Variants in PLEKHM3 observed in about 807,000 individuals in gnomAD.
PLEKHM3 encodes pleckstrin homology domain-containing family M member 3.
PLEKHM3 carries 45 observed loss-of-function variants against 81.8 expected under a neutral mutation model. The ratio of observed to expected loss-of-function variants is 0.55; its 90% CI spans 0.43 to 0.71. The LOEUF (loss-of-function observed/expected upper bound fraction) is 0.71. Ranked by LOEUF, PLEKHM3 falls within the 30% of genes least tolerant of loss-of-function variation. The probability of loss-of-function intolerance (pLI) is 0.00; values close to 1 mark genes in which losing one functional copy is unlikely to be tolerated. For synonymous variants in PLEKHM3, 352 were observed against 356.4 expected, an observed-to-expected ratio of 0.99 and a Z score of 0.14; for missense variants, 788 against 924.3, an observed-to-expected ratio of 0.85 and a Z score of 1.91.
At chr2:207,924,388 A>T (rs1396838484) in intron 5 of PLEKHM3, among the ~76,000 whole-genome samples, 1 of 152,062 alleles carries the variant, frequency 6.6e-6, no homozygotes, top group Non-Finnish European at 1.5e-5. Flanking sequence ...AGATGACAAC[A>T]AAGTGCCCTG....
intron 5 of PLEKHM3, among the ~76,000 whole-genome samples, chr2:207,918,490 G>A (rs1369482016): frequency 2.6e-5 from 4 of 152,208 alleles, no homozygotes; most frequent in African/African-American, 9.6e-5. Flanking sequence ...CCACTGTGCT[G>A]CAGCCTGGGT....
intron 7 of PLEKHM3, among the ~76,000 whole-genome samples, chr2:207,836,577 A>T (rs563099505): frequency 2.0e-5 from 3 of 152,334 alleles, no homozygotes; most frequent in African/African-American, 7.2e-5. Flanking sequence ...ATTATGGCAA[A>T]GAGGCAAGAA....
At chr2:207,971,553 C>G (rs192276234) in intron 3 of PLEKHM3, among the ~76,000 whole-genome samples, 4 of 150,476 alleles carry the variant, frequency 2.7e-5, no homozygotes, top group African/African-American at 9.8e-5. Flanking sequence ...TCAATTAAAA[C>G]TTTTTTTAAC....
At chr2:207,890,565 T>C (rs1249021462) in intron 6 of PLEKHM3, among the ~76,000 whole-genome samples, 1 of 152,066 alleles carries the variant, frequency 6.6e-6, no homozygotes, top group African/African-American at 2.4e-5. Context: ...ATGGTGGAGG[T>C]TGCAGTGAGC....
chr2:207,851,653 T>C (rs1327579517), intron 7 of PLEKHM3: 1 of 141,918 alleles, frequency 7.0e-6, no homozygotes, highest in Non-Finnish European at 1.5e-5. Flanking sequence ...GACAGGAGAA[T>C]CGCTTGAACC....
chr2:207,946,146 G>A (rs540720100), intron 4 of PLEKHM3, among the ~76,000 whole-genome samples: 2 of 152,196 alleles, frequency 1.3e-5, no homozygotes, highest in East Asian at 3.9e-4. Context: ...AGTAAAAACT[G>A]CTCTATATGT....
At chr2:207,925,613 C>T (rs976454942) in intron 5 of PLEKHM3, among the ~76,000 whole-genome samples, 1 of 152,178 alleles carries the variant, frequency 6.6e-6, no homozygotes, top group African/African-American at 2.4e-5. Flanking sequence ...CAACTTAACG[C>T]AGAGTTTATA....
chr2:207,868,623 C>T (rs923125104), intron 6 of PLEKHM3: 3 of 152,134 alleles, frequency 2.0e-5, no homozygotes, highest in Non-Finnish European at 2.9e-5. Context: ...TTGAAAGCAT[C>T]GAATATAGTT....
In PLEKHM3 at chr2:207,946,386, C is replaced by T; in HGVS notation, c.1673G>A (p.Trp558Ter). Residue 558 changes from tryptophan (W) to a stop codon, truncating the protein, a stop_gained, in exon 4 of 8, where the codon TGG (tryptophan) becomes TAG (stop). Transcript: ENST00000427836. LOFTEE classifies it high-confidence loss of function. ...ACCTACCTTATACTTTGAAGTATCC[C>T]AGTTGTGGACTATGCGTGCTGGAAT... Reference protein sequence around the residue: ...FLIPARIVHNWDTSKYKVSKQ... With the variant: ...FLIPARIVHN 6.2e-7 allele frequency: 1 copy of T among 1,613,780 alleles called. No individual in the cohort carries two copies. The highest frequency in any genetic ancestry group is 1.3e-5 in the African/African-American group (1 of 74,994).
At chr2:207,926,511 G>C (rs1689398749) in intron 5 of PLEKHM3, among the ~76,000 whole-genome samples, 1 of 152,132 alleles carries the variant, frequency 6.6e-6, no homozygotes, top group African/African-American at 2.4e-5. Context: ...TGCTGATCCG[G>C]ATGTGTCCTG....
In PLEKHM3 at chr2:207,834,764, G is replaced by A. The variant is rs145046614; in HGVS notation, c.2109-6268C>T. On this transcript the variant is annotated intron_variant, in intron 7 of 7. Coordinates refer to ENST00000427836, the MANE Select transcript of PLEKHM3 (RefSeq NM_001080475.3). Reference sequence around the variant, plus strand: ...TACCTAAAAGCCGTCTTGGTGGTGCGTCTTAGTCCCATTTATTTGCTCTTT... The same window carrying A: ...TACCTAAAAGCCGTCTTGGTGGTGCATCTTAGTCCCATTTATTTGCTCTTT... 7.0e-4 allele frequency among the ~76,000 whole-genome samples: 107 copies of A among 151,970 alleles called. 6 individuals carry two copies. In the East Asian group the frequency reaches 0.014, roughly 20 times the overall value.
intron 3 of PLEKHM3, among the ~76,000 whole-genome samples, chr2:207,956,667 T>A (rs1308419759): frequency 6.8e-6 from 1 of 147,268 alleles, no homozygotes; most frequent in African/African-American, 2.5e-5. Flanking sequence ...CACCTCAGCC[T>A]CCTGGGTATC....
At position 208,025,399 on chromosome 2, in the gene PLEKHM3, G is replaced by T. The variant is rs193114924; in HGVS notation, c.-329C>A. 6.6e-6 allele frequency: 1 copy of T among 152,292 alleles called. No homozygotes were observed. Among genetic ancestry groups the T allele is most frequent in the Non-Finnish European group, 1.5e-5 (1 of 68,110 alleles). 9.4% of individuals were successfully genotyped at this position (152,292 alleles called of 1,614,324 possible). A position where few individuals can be genotyped will look rare whatever the true frequency, so the allele number is the denominator to read the frequency against. On this transcript the variant is annotated 5_prime_UTR_variant, in exon 1 of 8. Coordinates refer to ENST00000427836, the MANE Select transcript of PLEKHM3 (RefSeq NM_001080475.3). ...CAGACGGATGCTCACCTGGGCCCCG[G>T]CTGCTACTCTCCATTCACCTGCGGG...
At chr2:207,975,068 T>C (rs950744434) in intron 3 of PLEKHM3, among the ~76,000 whole-genome samples, 101 of 152,214 alleles carry the variant, frequency 6.6e-4, no homozygotes, top group African/African-American at 2.3e-3. Context: ...GACCTTGTGA[T>C]CCGCCCGCCT....
chr2:207,863,438 T>C (rs1056097225), intron 6 of PLEKHM3, among the ~76,000 whole-genome samples: 2 of 152,252 alleles, frequency 1.3e-5, no homozygotes, highest in African/African-American at 4.8e-5. Flanking sequence ...ACCCAGAGTA[T>C]TAACACTACT....
chr2:207,955,762 GACAAA>G (rs990635339), intron 3 of PLEKHM3, among the ~76,000 whole-genome samples: 4 of 150,580 alleles, frequency 2.7e-5, no homozygotes, highest in African/African-American at 1.0e-4. Flanking sequence ...CCCTGCAGAT[GACAAA>G]ACAAGGACAA....
chr2:207,861,509 G>A (rs1301837328), intron 6 of PLEKHM3, among the ~76,000 whole-genome samples: 2 of 147,716 alleles, frequency 1.4e-5, no homozygotes, highest in African/African-American at 2.4e-5. Context: ...GTAGTATAGT[G>A]TAGAAGACTG....
chr2:207,949,509 C>A (rs1690259824), intron 3 of PLEKHM3, among the ~76,000 whole-genome samples: 1 of 152,104 alleles, frequency 6.6e-6, no homozygotes, highest in African/African-American at 2.4e-5. Flanking sequence ...CACTGCACTC[C>A]AGCCTGAGTG....
Position 207,825,809 on chromosome 2 carries a change from G to A in PLEKHM3, c.*2510C>T, listed in dbSNP as rs945809069. 3 of 152,190 alleles carry A rather than the reference G, an allele frequency of 2.0e-5. No individual in the cohort carries two copies. Among genetic ancestry groups the A allele is most frequent in the Non-Finnish European group, 2.9e-5 (2 of 68,048 alleles). The allele number at this position is 152,190 out of a possible 1,614,324, so 9.4% of individuals were successfully genotyped here. A position where few individuals can be genotyped will look rare whatever the true frequency, so the allele number is the denominator to read the frequency against. On this transcript the variant is annotated 3_prime_UTR_variant, in exon 8 of 8. Coordinates refer to ENST00000427836, the MANE Select transcript of PLEKHM3 (RefSeq NM_001080475.3). ...GGGTAGCTGATGGTGATAACACATC[G>A]ATTTTTTGTTTCCCTTTTGAAAATA...
Sources: gnomAD v4.1 joint callset for allele counts (sites outside exome capture counted in the v4.1 genomes callset) on GRCh38, gnomAD v4.1.1 for gene constraint, MANE v1.5 for transcripts, NCBI Gene and HGNC (gene_info 2026-07-23, HGNC 2026-07-21) for gene names.